The following PTGER3 variants were observed in gnomAD, a reference collection of about 807,000 sequenced individuals.
The protein encoded by PTGER3 is prostaglandin E receptor 3, also known as prostaglandin E2 receptor EP3 subtype.
PTGER3 carries 22 observed loss-of-function variants against 34.7 expected under a neutral mutation model. The observed-to-expected ratio is 0.63, with a 90% confidence interval of 0.45 to 0.91. The LOEUF (loss-of-function observed/expected upper bound fraction) is 0.91. PTGER3 is among the 40% of genes least tolerant of loss of function. The pLI is 0.00. For missense variants in PTGER3, 468 were observed against 519.4 expected, an observed-to-expected ratio of 0.90 and a Z score of 0.96; for synonymous variants, 241 against 230.1, an observed-to-expected ratio of 1.05 and a Z score of -0.43.
At chr1:70,933,794 A>C (rs1293550435) in intron 4 of PTGER3, among the ~76,000 whole-genome samples, 1 of 152,158 alleles carries the variant, frequency 6.6e-6, no homozygotes, top group Non-Finnish European at 1.5e-5. Flanking sequence ...CTTAGAAATA[A>C]TGACTTTGGA....
chr1:70,873,749 G>A (rs1403892632), intron 4 of PTGER3, among the ~76,000 whole-genome samples: 1 of 151,480 alleles, frequency 6.6e-6, no homozygotes, highest in Non-Finnish European at 1.5e-5. Context: ...CCGAGTTCAA[G>A]AGATTCTCCT....
intron 4 of PTGER3, among the ~76,000 whole-genome samples, chr1:70,880,487 C>T (rs190857938): frequency 2.4e-3 from 365 of 150,120 alleles, no homozygotes; most frequent in Non-Finnish European, 2.8e-3. Context: ...GTCAGGAGTT[C>T]GAGACCAGCC....
chr1:70,894,884 C>G (rs1269085097), intron 4 of PTGER3, among the ~76,000 whole-genome samples: 1 of 152,144 alleles, frequency 6.6e-6, no homozygotes, highest in Non-Finnish European at 1.5e-5. Flanking sequence ...GGGGGTTAAA[C>G]CACCTATATC....
intron 4 of PTGER3, among the ~76,000 whole-genome samples, chr1:70,911,536 C>T (rs1198275045): frequency 1.3e-5 from 2 of 151,976 alleles, no homozygotes; most frequent in Non-Finnish European, 2.9e-5. Flanking sequence ...CAAGTATTAA[C>T]CTTTAAATTA....
At chr1:70,981,323 CTTTCTTTCTT>C in intron 2 of PTGER3, among the ~76,000 whole-genome samples, 1 of 52,754 alleles carries the variant, frequency 1.9e-5, no homozygotes, top group Non-Finnish European at 3.6e-5. Context: ...TTCCTTTCTT[CTTTCTTTCTT>C]TCTTTCTTTC....
rs764182070 is a variant in PTGER3, at chr1:71,046,717, G to C, written c.861C>G (p.Ile287Met). ...ACCAGCAGACCGACAGCACGCACATGATCCCCATAAGCTGAATGGCCGTCT... is the reference window on the plus strand; with the variant it reads ...ACCAGCAGACCGACAGCACGCACATCATCCCCATAAGCTGAATGGCCGTCT... ...TTETAIQLMGIMCVLSVCWSP... is the reference protein window; with the variant it reads ...TTETAIQLMGMMCVLSVCWSP... The change falls in exon 1 of 4, where the codon ATC (isoleucine) becomes ATG (methionine). Residue 287 changes from isoleucine (I) to methionine (M), a missense_variant. Ile to Met is a conservative substitution (Grantham distance 10, BLOSUM62 1). This residue lies in a region of PTGER3 where 204 missense variants were observed against 230.8 expected (regional missense o/e 0.88). Coordinates refer to ENST00000306666, the MANE Select transcript of PTGER3 (RefSeq NM_198719.2). The C allele has an allele frequency of 1.3e-6, 2 of 1,596,256 alleles. No homozygotes were observed. The highest frequency in any genetic ancestry group is 1.7e-6 in the Non-Finnish European group (2 of 1,169,806).
intron 1 of PTGER3, 80 bp from the exon 2 acceptor site, chr1:71,012,564 T>G (rs1657542142): frequency 7.7e-7 from 1 of 1,291,508 alleles, no homozygotes. Context: ...TTGCACATAG[T>G]TGGTTTTCAA....
chr1:70,950,199 G>A (rs894265106), downstream of PTGER3, among the ~76,000 whole-genome samples: 1 of 152,162 alleles, frequency 6.6e-6, no homozygotes, highest in Non-Finnish European at 1.5e-5. Flanking sequence ...ATTGCATATG[G>A]AGGGATTAAC....
chr1:70,940,166 G>A (rs1649622916), intron 4 of PTGER3, among the ~76,000 whole-genome samples: 1 of 152,286 alleles, frequency 6.6e-6, no homozygotes, highest in African/African-American at 2.4e-5. Flanking sequence ...AATGCCACCA[G>A]TTTCTTTGCT....
At chr1:70,889,571 C>T (rs1646573211) in intron 4 of PTGER3, among the ~76,000 whole-genome samples, 1 of 152,018 alleles carries the variant, frequency 6.6e-6, no homozygotes, top group African/African-American at 2.4e-5. Flanking sequence ...ATTACCATGG[C>T]TCACATTCAG....
chr1:71,011,264 T>C (rs894769432), intron 2 of PTGER3: 34 of 985,194 alleles, frequency 3.5e-5, no homozygotes, highest in Non-Finnish European at 3.5e-5. Flanking sequence ...AGGGTCAATG[T>C]TATTAACTTT....
intron 2 of PTGER3, chr1:71,006,931 C>A (rs1572913348): frequency 5.1e-6 from 5 of 985,324 alleles, no homozygotes; most frequent in Non-Finnish European, 6.0e-6. Flanking sequence ...AATACACAGA[C>A]TAGCCATGAC....
intron 2 of PTGER3, among the ~76,000 whole-genome samples, chr1:71,001,305 T>C (rs977593533): frequency 6.6e-6 from 1 of 152,196 alleles, no homozygotes; most frequent in Non-Finnish European, 1.5e-5. Flanking sequence ...TTACTCTTTG[T>C]TACAAGAGTT....
In PTGER3 at chr1:70,997,838, T is replaced by C. The variant is rs1028596159; in HGVS notation, c.1077+14467A>G. Among the ~76,000 whole-genome samples, 4 of 152,228 alleles carry C rather than the reference T, an allele frequency of 2.6e-5. No homozygotes were observed. The South Asian group carries it at 6.2e-4, about 24-fold the overall frequency. ...TACACCAATTCCAATATTGTAGCCA[T>C]AGTATGACTGTTTTGAGACATAGAA... On this transcript the variant is annotated intron_variant, in intron 2 of 3. Coordinates refer to ENST00000306666, the MANE Select transcript of PTGER3 (RefSeq NM_198719.2).
At chr1:70,933,219 G>T (rs12097924) in intron 4 of PTGER3, among the ~76,000 whole-genome samples, 43,159 of 151,720 alleles carry the variant, frequency 0.28, 7,006 homozygotes, top group African/African-American at 0.44. Context: ...AAGACTTATA[G>T]CAGTTTCCCT....
At chr1:71,005,743 C>T (rs994904453) in intron 2 of PTGER3, 4 of 468,268 alleles carry the variant, frequency 8.5e-6, no homozygotes, top group African/African-American at 8.5e-5. Flanking sequence ...GCCCCAAGGA[C>T]ATTTGGCCCC....
rs151013299 is a variant in PTGER3, at chr1:71,042,426, T to G, written c.897+4255A>C. Among the ~76,000 whole-genome samples, 626 of 152,082 alleles carry G rather than the reference T, an allele frequency of 4.1e-3. 4 individuals are homozygous for G. Among genetic ancestry groups the G allele is most frequent in the African/African-American group, 0.015 (604 of 41,472 alleles). Reference sequence around the variant, plus strand: ...AATTACATCCTATCTTGTATTATAATTCTTTAAATATTTCACTCATAAATG... The same window carrying G: ...AATTACATCCTATCTTGTATTATAAGTCTTTAAATATTTCACTCATAAATG... On this transcript the variant is annotated intron_variant, in intron 1 of 3. Coordinates refer to ENST00000306666, the MANE Select transcript of PTGER3 (RefSeq NM_198719.2).
At chr1:71,029,453 C>T (rs982296495) in intron 1 of PTGER3, among the ~76,000 whole-genome samples, 3 of 152,170 alleles carry the variant, frequency 2.0e-5, no homozygotes, top group Non-Finnish European at 1.5e-5. Context: ...ACAGTATCCC[C>T]TCAAGTTGTC....
chr1:70,872,295 A>G (rs904818265), intron 4 of PTGER3, among the ~76,000 whole-genome samples: 1 of 152,220 alleles, frequency 6.6e-6, no homozygotes, highest in African/African-American at 2.4e-5. Context: ...TTGAAGAACT[A>G]TTAATAGTCT....
Sources: allele counts gnomAD v4.1 joint callset (sites outside exome capture counted in the v4.1 genomes callset), GRCh38; gene constraint gnomAD v4.1.1; regional missense constraint gnomAD v4.1.1; transcripts MANE v1.5; gene names NCBI Gene and HGNC (gene_info 2026-07-23, HGNC 2026-07-21).